GDA: variants seen among roughly 807,000 people sequenced by gnomAD.
GDA encodes the protein guanine deaminase.
GDA carries 18 observed loss-of-function variants against 59.6 expected under a neutral mutation model. That is an observed-to-expected ratio of 0.30 (90% confidence interval 0.21 to 0.45). The LOEUF is 0.45. Among genes scored for constraint, GDA ranks in the 20% least tolerant of loss-of-function variants. The pLI is 1.00. For missense variants in GDA, 427 were observed against 552.3 expected (o/e 0.77, Z 2.27); for synonymous variants, 201 against 201.1 (o/e 1.00, Z 0.00).
intron 1 of GDA, among the ~76,000 whole-genome samples, chr9:72,139,661 A>T (rs578055301): frequency 3.9e-4 from 46 of 118,306 alleles, no homozygotes; most frequent in African/African-American, 2.3e-3. Context: ...CGCCTCTAAT[A>T]AAAAAAAATG....
At position 72,249,194 on chromosome 9, in the gene GDA, A is replaced by G; in HGVS notation, c.*852A>G. 1 of 983,996 alleles carries G rather than the reference A, an allele frequency of 1.0e-6. No individual in the cohort carries two copies. Among genetic ancestry groups the G allele is most frequent in the Non-Finnish European group, 1.2e-6 (1 of 828,610 alleles). 61.0% of individuals were successfully genotyped at this position (983,996 alleles called of 1,614,324 possible). On this transcript the variant is annotated 3_prime_UTR_variant, in exon 14 of 14. Transcript: ENST00000358399. Reference sequence around the variant, plus strand: ...AGAAGAGAAACAAATTCCATGCTTTATGGAATTTATGTAGACTGGAGTCTT... The same window carrying G: ...AGAAGAGAAACAAATTCCATGCTTTGTGGAATTTATGTAGACTGGAGTCTT...
intron 1 of GDA, among the ~76,000 whole-genome samples, chr9:72,119,091 G>A (rs574008184): frequency 2.4e-4 from 37 of 152,212 alleles, no homozygotes; most frequent in African/African-American, 8.7e-4. Context: ...AAAAATATGA[G>A]TTATATGCCA....
chr9:72,149,093 C>G (rs1166526327), upstream of GDA, among the ~76,000 whole-genome samples: 2 of 152,160 alleles, frequency 1.3e-5, no homozygotes, highest in Admixed American at 6.5e-5. Context: ...AGGTAGGCAG[C>G]CCCAGCTGAC....
At chr9:72,225,300 C>T (rs1837412476) in intron 7 of GDA, among the ~76,000 whole-genome samples, 1 of 152,086 alleles carries the variant, frequency 6.6e-6, no homozygotes, top group Non-Finnish European at 1.5e-5. Context: ...GAAAGGCCAG[C>T]ACCAGAAGAG....
At chr9:72,207,173 T>C (rs1013145571) in intron 3 of GDA, among the ~76,000 whole-genome samples, 21 of 152,202 alleles carry the variant, frequency 1.4e-4, no homozygotes, top group African/African-American at 5.1e-4. Flanking sequence ...AATACATAGT[T>C]CTTTCAATAA....
chr9:72,197,608 T>C (rs1236314476), intron 2 of GDA: 3 of 152,058 alleles, frequency 2.0e-5, no homozygotes, highest in Non-Finnish European at 4.4e-5. Context: ...GCTTTTGAAA[T>C]TAAATCCATC....
chr9:72,136,742 G>A (rs377513208), intron 1 of GDA, among the ~76,000 whole-genome samples: 4 of 152,154 alleles, frequency 2.6e-5, no homozygotes, highest in Non-Finnish European at 5.9e-5. Context: ...TTGGTAGGCC[G>A]AGGTGGGCGG....
chr9:72,169,204 A>G (rs7862991), intron 1 of GDA, among the ~76,000 whole-genome samples: 114,970 of 152,080 alleles, frequency 0.76, 43,516 homozygotes, highest in Middle Eastern at 0.8. Context: ...TGGTTTTGGG[A>G]AGTGGGGGAA....
At chr9:72,213,762 C>T (rs1294526071) in intron 4 of GDA, 124 bp from the exon 5 acceptor site, 4 of 543,756 alleles carry the variant, frequency 7.4e-6, no homozygotes, top group Non-Finnish European at 9.8e-6. Flanking sequence ...GAGATTGCGC[C>T]ACTGCAATCT....
At chr9:72,118,269 A>G (rs58600551) in intron 1 of GDA, among the ~76,000 whole-genome samples, 92,654 of 122,304 alleles carry the variant, frequency 0.76, 35,227 homozygotes, top group Middle Eastern at 0.8. Context: ...AAGAGACTCC[A>G]CCTCAAAAAA....
chr9:72,208,596 C>T (rs1835007145), intron 3 of GDA, among the ~76,000 whole-genome samples: 1 of 152,164 alleles, frequency 6.6e-6, no homozygotes, highest in South Asian at 2.1e-4. Context: ...CTCCCTGGAT[C>T]CAGGAATTAC....
chr9:72,144,910 G>C (rs1826571025), upstream of GDA, among the ~76,000 whole-genome samples: 1 of 148,292 alleles, frequency 6.7e-6, no homozygotes, highest in Non-Finnish European at 1.5e-5. Context: ...TTTCTCTAAA[G>C]CATAACAAGC....
intron 11 of GDA, among the ~76,000 whole-genome samples, chr9:72,243,788 AATGTATTAGAT>A (rs1299490298): frequency 4.6e-5 from 7 of 152,222 alleles, no homozygotes; most frequent in Non-Finnish European, 7.4e-5. Context: ...GTAGAAATAT[AATGTATTAGAT>A]ATTGCCTAAC....
chr9:72,224,995 A>G (rs912239036), intron 7 of GDA, among the ~76,000 whole-genome samples: 2 of 152,110 alleles, frequency 1.3e-5, no homozygotes, highest in Admixed American at 1.3e-4. Context: ...TTAAACGGCC[A>G]GTATGGCCAG....
At chr9:72,255,753 CG>C (rs771594087), downstream of GDA, among the ~76,000 whole-genome samples, 8 of 152,082 alleles carry the variant, frequency 5.3e-5, no homozygotes, top group Non-Finnish European at 1.0e-4. Flanking sequence ...GACTCAGAAA[CG>C]TGGGGGTAAA....
At chr9:72,181,008 C>G (rs929631530) in intron 1 of GDA, among the ~76,000 whole-genome samples, 1 of 152,216 alleles carries the variant, frequency 6.6e-6, no homozygotes, top group Non-Finnish European at 1.5e-5. Context: ...GGGTGTTCCA[C>G]AGATTACCAA....
chr9:72,221,729 G>A (rs1313854249), intron 6 of GDA, among the ~76,000 whole-genome samples: 1 of 152,052 alleles, frequency 6.6e-6, no homozygotes, highest in East Asian at 1.9e-4. Flanking sequence ...CTGCCGATAG[G>A]CCCCAGTGTT....
At chr9:72,147,503 C>T (rs774511973), upstream of GDA, among the ~76,000 whole-genome samples, 66 of 152,186 alleles carry the variant, frequency 4.3e-4, no homozygotes, top group Non-Finnish European at 6.6e-4. Context: ...CGTGCCCAGC[C>T]AGAAGCCATT....
chr9:72,245,812 T>C (rs1840079253), intron 12 of GDA, among the ~76,000 whole-genome samples: 1 of 152,118 alleles, frequency 6.6e-6, no homozygotes, highest in South Asian at 2.1e-4. Context: ...TTTAATTTTA[T>C]AAGAAAATGA....
Sources: allele counts gnomAD v4.1 joint callset (sites outside exome capture counted in the v4.1 genomes callset), GRCh38; gene constraint gnomAD v4.1.1; transcripts MANE v1.5; gene names NCBI Gene and HGNC (gene_info 2026-07-23, HGNC 2026-07-21).